GPD1L: variants seen among roughly 807,000 people sequenced by gnomAD.
The protein encoded by GPD1L is glycerol-3-phosphate dehydrogenase 1 like.
Under a neutral mutation model 32.9 loss-of-function variants are expected in GPD1L, and 17 were observed. The ratio of observed to expected loss-of-function variants is 0.52; its 90% CI spans 0.35 to 0.78. The LOEUF (loss-of-function observed/expected upper bound fraction) is 0.78. GPD1L is among the 30% of genes least tolerant of loss of function. GPD1L has a pLI of 0.01. For synonymous variants in GPD1L, 187 were observed against 165.9 expected (o/e 1.13, Z -0.98); for missense variants, 361 against 447.8 (o/e 0.81, Z 1.75).
chr3:32,158,741 G>A lies in GPD1L; in HGVS notation c.619-135G>A, dbSNP rs2305362. 0.47 allele frequency: 709,427 copies of A among 1,525,248 alleles called. 174,491 individuals carry two copies. Among genetic ancestry groups the A allele is most frequent in the East Asian group, 0.85 (34,748 of 40,822 alleles). The allele number at this position is 1,525,248 out of a possible 1,614,324, so 94.5% of individuals were successfully genotyped here. A position where few individuals can be genotyped will look rare whatever the true frequency, so the allele number is the denominator to read the frequency against. On this transcript the variant is annotated intron_variant, in intron 5 of 7. Coordinates refer to ENST00000282541, the MANE Select transcript of GPD1L (RefSeq NM_015141.4). ...TTTCACCCAGGTGTACAAGAGCAGA[G>A]CCCGGCATTGAGTATTTTGAAGATG...
At chr3:32,119,422 A>G (rs12633891) in intron 1 of GPD1L, among the ~76,000 whole-genome samples, 80,738 of 152,046 alleles carry the variant, frequency 0.53, 24,742 homozygotes, top group East Asian at 0.9. Context: ...ATTTTCCCCT[A>G]CAGTTTGAAT....
intron 5 of GPD1L, chr3:32,158,671 C>A: frequency 1.7e-6 from 2 of 1,178,062 alleles, no homozygotes; most frequent in East Asian, 2.6e-5. Flanking sequence ...GCTCTTTGTC[C>A]TAGAAAGGGG....
chr3:32,163,635 G>A (rs1701104541), intron 7 of GPD1L, among the ~76,000 whole-genome samples: 1 of 152,162 alleles, frequency 6.6e-6, no homozygotes. Context: ...ATTGGCTTCA[G>A]AGTCCAAAAC....
intron 1 of GPD1L, among the ~76,000 whole-genome samples, chr3:32,117,433 T>C (rs1700347038): frequency 1.3e-5 from 2 of 152,222 alleles, no homozygotes; most frequent in Non-Finnish European, 2.9e-5. Flanking sequence ...GATTTGTTTG[T>C]TCTGGATTAC....
chr3:32,149,948 C>CA (rs34212680), intron 5 of GPD1L, among the ~76,000 whole-genome samples: 41,176 of 133,120 alleles, frequency 0.31, 7,658 homozygotes, highest in East Asian at 0.86. Context: ...GACTCCGTCT[C>CA]AAAAAAAAAA....
intron 5 of GPD1L, among the ~76,000 whole-genome samples, chr3:32,153,241 G>A (rs1283357864): frequency 6.6e-6 from 1 of 152,188 alleles, no homozygotes; most frequent in Non-Finnish European, 1.5e-5. Flanking sequence ...TCGCCCAAAA[G>A]CACCTTTATG....
intron 1 of GPD1L, 33 bp from the exon 2 acceptor site, chr3:32,128,043 T>C: frequency 6.7e-7 from 1 of 1,492,456 alleles, no homozygotes; most frequent in Non-Finnish European, 9.3e-7. Context: ...CCAAGTGAGT[T>C]TATGTTTTTC....
chr3:32,151,501 A>G (rs145317744), intron 5 of GPD1L: 1 of 330,302 alleles, frequency 3.0e-6, no homozygotes, highest in African/African-American at 2.2e-5. Context: ...TTTTTTTGAG[A>G]CAGGGTCTCA....
intron 2 of GPD1L, among the ~76,000 whole-genome samples, chr3:32,135,240 C>G (rs1384982966): frequency 2.0e-5 from 3 of 152,142 alleles, no homozygotes; most frequent in Admixed American, 2.0e-4. Context: ...AGTCAGGCGG[C>G]CAGGCTCCAT....
chr3:32,123,904 T>C (rs1307886977), intron 1 of GPD1L, among the ~76,000 whole-genome samples: 3 of 151,950 alleles, frequency 2.0e-5, no homozygotes, highest in African/African-American at 7.3e-5. Context: ...AGCTGAGACA[T>C]GGAGAGTGCC....
At chr3:32,115,891 C>T (rs1329578095) in intron 1 of GPD1L, among the ~76,000 whole-genome samples, 2 of 148,392 alleles carry the variant, frequency 1.3e-5, no homozygotes, top group African/African-American at 4.9e-5. Flanking sequence ...CGGGTTCAAG[C>T]AATTCTCCTG....
intron 2 of GPD1L, among the ~76,000 whole-genome samples, chr3:32,130,760 C>A (rs941738718): frequency 5.3e-5 from 8 of 152,112 alleles, no homozygotes; most frequent in Admixed American, 4.6e-4. Flanking sequence ...TGCCTGTAAT[C>A]CCAGCACTTT....
chr3:32,164,693 A>G (rs115515206), intron 7 of GPD1L, among the ~76,000 whole-genome samples: 240 of 152,352 alleles, frequency 1.6e-3, no homozygotes, highest in African/African-American at 5.3e-3. Context: ...AAAATAAAAC[A>G]TTCCACAAAA....
intron 5 of GPD1L, among the ~76,000 whole-genome samples, chr3:32,147,216 A>G (rs1700843648): frequency 1.3e-5 from 2 of 152,114 alleles, no homozygotes; most frequent in African/African-American, 2.4e-5. Flanking sequence ...TGCCCTCAAG[A>G]GAGAGAAGAT....
At chr3:32,143,022 A>T (rs905713539) in intron 4 of GPD1L, among the ~76,000 whole-genome samples, 1 of 152,076 alleles carries the variant, frequency 6.6e-6, no homozygotes, top group African/African-American at 2.4e-5. Flanking sequence ...AAAGAAAAAA[A>T]AAAATTTTTT....
At chr3:32,119,883 T>C (rs1048730797) in intron 1 of GPD1L, among the ~76,000 whole-genome samples, 6 of 152,148 alleles carry the variant, frequency 3.9e-5, no homozygotes, top group African/African-American at 7.2e-5. Flanking sequence ...GCTTCCTCCA[T>C]AGTAAAAAGA....
chr3:32,129,841 C>G (rs764826253), intron 2 of GPD1L, among the ~76,000 whole-genome samples: 2 of 152,200 alleles, frequency 1.3e-5, no homozygotes. Flanking sequence ...CTAATCCATT[C>G]TTGGGGCAGA....
intron 5 of GPD1L, among the ~76,000 whole-genome samples, chr3:32,156,557 A>G (rs1172627386): frequency 1.3e-5 from 2 of 152,138 alleles, no homozygotes; most frequent in Non-Finnish European, 2.9e-5. Context: ...AGGGCAAGAG[A>G]GGGCTCTGTT....
At chr3:32,125,545 C>T (rs1700494346) in intron 1 of GPD1L, among the ~76,000 whole-genome samples, 1 of 152,152 alleles carries the variant, frequency 6.6e-6, no homozygotes, top group South Asian at 2.1e-4. Flanking sequence ...CATTATGGTT[C>T]TCTTAATAGA....
Sources: gnomAD v4.1 joint callset for allele counts (sites outside exome capture counted in the v4.1 genomes callset) on GRCh38, gnomAD v4.1.1 for gene constraint, MANE v1.5 for transcripts, NCBI Gene and HGNC (gene_info 2026-07-23, HGNC 2026-07-21) for gene names.